The following PPARGC1A variants were observed in gnomAD, a reference collection of about 807,000 sequenced individuals.
PPARGC1A encodes the protein peroxisome proliferator-activated receptor gamma coactivator 1-alpha.
A neutral mutation model predicts 88.7 loss-of-function variants in PPARGC1A; 25 were observed. The ratio of observed to expected loss-of-function variants is 0.28; its 90% confidence interval spans 0.21 to 0.39. The LOEUF (loss-of-function observed/expected upper bound fraction) is 0.39. Among genes scored for constraint, PPARGC1A ranks in the 10% least tolerant of loss-of-function variants. PPARGC1A has a pLI of 1.00. For missense variants in PPARGC1A, 880 were observed against 968.7 expected (o/e 0.91, Z 1.22); for synonymous variants, 363 against 355.6 (o/e 1.02, Z -0.24).
At chr4:24,012,381 T>C in the PPARGC1A span, among the ~76,000 whole-genome samples, 3 of 152,108 alleles carry the variant, frequency 2.0e-5, no homozygotes, top group African/African-American at 7.2e-5. Flanking sequence ...TATTATGCTC[T>C]GGACATTTGA....
At chr4:24,102,808 G>T in the PPARGC1A span, among the ~76,000 whole-genome samples, 1 of 152,148 alleles carries the variant, frequency 6.6e-6, no homozygotes, top group African/African-American at 2.4e-5. Context: ...TCTCCAGAAG[G>T]CAGCCCACAT....
the PPARGC1A span, among the ~76,000 whole-genome samples, chr4:24,032,124 T>C: frequency 6.6e-6 from 1 of 152,322 alleles, no homozygotes; most frequent in Non-Finnish European, 1.5e-5. Context: ...TAATGATGAA[T>C]AACAATAATA....
the PPARGC1A span, among the ~76,000 whole-genome samples, chr4:24,252,578 C>T: frequency 6.6e-6 from 1 of 152,212 alleles, no homozygotes; most frequent in Non-Finnish European, 1.5e-5. Context: ...AAAACTGATT[C>T]TTAGACAGAT....
At chr4:24,455,744 G>A in the PPARGC1A span, among the ~76,000 whole-genome samples, 1 of 152,184 alleles carries the variant, frequency 6.6e-6, no homozygotes, top group African/African-American at 2.4e-5. Context: ...ACCTCCTCTT[G>A]CCCTCTTGCT....
the PPARGC1A span, among the ~76,000 whole-genome samples, chr4:24,335,966 A>C: frequency 6.6e-6 from 1 of 152,246 alleles, no homozygotes; most frequent in African/African-American, 2.4e-5. Context: ...GGCCTAGAGC[A>C]ATAAAAAGGG....
At chr4:24,452,958 C>T in the PPARGC1A span, among the ~76,000 whole-genome samples, 3 of 152,140 alleles carry the variant, frequency 2.0e-5, no homozygotes, top group African/African-American at 4.8e-5. Context: ...GTCTTAACAC[C>T]CAGTGCCTTA....
the PPARGC1A span, among the ~76,000 whole-genome samples, chr4:24,343,715 G>A: frequency 6.6e-6 from 1 of 152,038 alleles, no homozygotes; most frequent in Non-Finnish European, 1.5e-5. Flanking sequence ...GGCTGAGAGT[G>A]GAGATGTGGT....
At chr4:24,286,903 C>T in the PPARGC1A span, among the ~76,000 whole-genome samples, 2 of 152,046 alleles carry the variant, frequency 1.3e-5, no homozygotes, top group African/African-American at 2.4e-5. Flanking sequence ...TCCCAAGCTT[C>T]CTCACACAGG....
At chr4:24,306,718 T>C in the PPARGC1A span, among the ~76,000 whole-genome samples, 1 of 152,232 alleles carries the variant, frequency 6.6e-6, no homozygotes, top group African/African-American at 2.4e-5. Flanking sequence ...TAAAGTGTTA[T>C]TTACAGAAAC....
At chr4:24,256,198 C>T in the PPARGC1A span, among the ~76,000 whole-genome samples, 3 of 152,100 alleles carry the variant, frequency 2.0e-5, no homozygotes, top group Non-Finnish European at 4.4e-5. Flanking sequence ...GACTCAGTGA[C>T]CCAGACATTT....
At chr4:24,089,473 G>T in the PPARGC1A span, among the ~76,000 whole-genome samples, 7 of 146,348 alleles carry the variant, frequency 4.8e-5, no homozygotes, top group East Asian at 1.4e-3. Flanking sequence ...GACTAGACTA[G>T]GATGCCTTTT....
chr4:24,047,936 C>T, the PPARGC1A span, among the ~76,000 whole-genome samples: 9 of 152,320 alleles, frequency 5.9e-5, no homozygotes, highest in East Asian at 1.4e-3. Context: ...TTACACTTCA[C>T]TTCCTGCCTT....
the PPARGC1A span, among the ~76,000 whole-genome samples, chr4:24,075,433 G>A: frequency 6.6e-6 from 1 of 152,178 alleles, no homozygotes; most frequent in East Asian, 1.9e-4. Context: ...ATGTTCCATG[G>A]AGAATTATTC....
At chr4:24,277,328 TCCTGACAGATGAGC>T in the PPARGC1A span, among the ~76,000 whole-genome samples, 2 of 152,126 alleles carry the variant, frequency 1.3e-5, no homozygotes, top group Non-Finnish European at 2.9e-5. Context: ...TCATGCCCTC[TCCTGACAGATGAGC>T]CCCTTCTGGT....
the PPARGC1A span, among the ~76,000 whole-genome samples, chr4:24,140,064 AGGTCATGGGGAGAGAG>A: frequency 1.3e-5 from 2 of 152,104 alleles, no homozygotes; most frequent in African/African-American, 4.8e-5. Context: ...ACCATTCCAG[AGGTCATGGGGAGAGAG>A]GGTTGCTCGG....
the PPARGC1A span, among the ~76,000 whole-genome samples, chr4:24,260,716 T>C: frequency 6.6e-6 from 1 of 151,310 alleles, no homozygotes; most frequent in East Asian, 1.9e-4. Context: ...CCCTACAACA[T>C]GTCTTTTTTT....
chr4:24,157,004 T>C, the PPARGC1A span, among the ~76,000 whole-genome samples: 1 of 152,130 alleles, frequency 6.6e-6, no homozygotes, highest in Admixed American at 6.6e-5. Flanking sequence ...CACTCATTTT[T>C]CTCCTTCAAA....
the PPARGC1A span, among the ~76,000 whole-genome samples, chr4:24,273,636 A>T: frequency 6.6e-6 from 1 of 151,742 alleles, no homozygotes; most frequent in Admixed American, 6.6e-5. Flanking sequence ...AAAAACAACC[A>T]GGCCCAGGTC....
the PPARGC1A span, among the ~76,000 whole-genome samples, chr4:24,051,280 A>G: frequency 1.3e-5 from 2 of 151,514 alleles, no homozygotes; most frequent in Non-Finnish European, 2.9e-5. Context: ...TGGGAACATG[A>G]TGAAAGGCAT....
Sources: allele counts gnomAD v4.1 joint callset (sites outside exome capture counted in the v4.1 genomes callset), GRCh38; gene constraint gnomAD v4.1.1; transcripts MANE v1.5; gene names NCBI Gene and HGNC (gene_info 2026-07-23, HGNC 2026-07-21).